TRHDE: variants seen among roughly 807,000 people sequenced by gnomAD.
The protein encoded by TRHDE is thyrotropin releasing hormone degrading enzyme.
Under a neutral mutation model 125.7 loss-of-function variants are expected in TRHDE, and 72 were observed. The observed-to-expected ratio is 0.57, with a 90% CI of 0.47 to 0.70. The LOEUF (loss-of-function observed/expected upper bound fraction) is 0.70, where lower values mean the gene tolerates loss of function less well. TRHDE is among the 30% of genes least tolerant of loss of function. The pLI is 0.00. For synonymous variants in TRHDE, 509 were observed against 509.1 expected, an observed-to-expected ratio of 1.00 and a Z score of 0.00; for missense variants, 1,110 against 1,327.1, an observed-to-expected ratio of 0.84 and a Z score of 2.54.
At chr12:72,591,429 T>G (rs1871677029) in intron 12 of TRHDE, among the ~76,000 whole-genome samples, 2 of 152,282 alleles carry the variant, frequency 1.3e-5, no homozygotes, top group South Asian at 4.1e-4. Flanking sequence ...TAAGTCCATA[T>G]GCTATTTGCT....
In TRHDE at chr12:72,143,878, C is replaced by T. The variant is rs75635823; in HGVS notation, n.279+38126C>T. ...GAAACCCAACACCATGCCCCAAATA[C>T]GTTTCAAGTGTTTTTACTAGTTTAC... On this transcript the variant is annotated intron_variant and non_coding_transcript_variant, in intron 2 of 4. Transcript: ENST00000548156. 6.8e-4 allele frequency among the ~76,000 whole-genome samples: 104 copies of T among 152,294 alleles called. 1 individual carries two copies. In the East Asian group the frequency reaches 0.016, roughly 24 times the overall value.
chr12:72,305,112 T>C (rs914196433), intron 2 of TRHDE, among the ~76,000 whole-genome samples: 5 of 152,192 alleles, frequency 3.3e-5, no homozygotes, highest in African/African-American at 1.2e-4. Flanking sequence ...CAATAAAAGT[T>C]CTTAATTATG....
At chr12:72,429,704 T>G (rs1874359717) in intron 3 of TRHDE, among the ~76,000 whole-genome samples, 1 of 152,058 alleles carries the variant, frequency 6.6e-6, no homozygotes, top group African/African-American at 2.4e-5. Flanking sequence ...TTATCTGTCT[T>G]TTCAATTATA....
intron 15 of TRHDE, among the ~76,000 whole-genome samples, chr12:72,634,441 C>T (rs1873632356): frequency 1.3e-5 from 2 of 150,322 alleles, no homozygotes; most frequent in Middle Eastern, 3.4e-3. Flanking sequence ...TTTTTTTAAC[C>T]AATGCATGAG....
intron 2 of TRHDE, among the ~76,000 whole-genome samples, chr12:72,132,252 A>G (rs1372287336): frequency 6.6e-6 from 1 of 152,148 alleles, no homozygotes; most frequent in South Asian, 2.1e-4. Flanking sequence ...GGCTGTCTCT[A>G]GTAGTACTAG....
At chr12:72,510,754 C>T (rs1878549982) in intron 6 of TRHDE, among the ~76,000 whole-genome samples, 1 of 152,022 alleles carries the variant, frequency 6.6e-6, no homozygotes, top group African/African-American at 2.4e-5. Flanking sequence ...TGGTTATGAT[C>T]ATCTCATAAG....
chr12:72,191,555 C>T (rs1301494146), intron 2 of TRHDE, among the ~76,000 whole-genome samples: 6 of 152,152 alleles, frequency 3.9e-5, no homozygotes, highest in Admixed American at 3.9e-4. Flanking sequence ...CAACTGTTTA[C>T]ATACGAGTAA....
intron 3 of TRHDE, among the ~76,000 whole-genome samples, chr12:72,469,352 A>G (rs1876534914): frequency 6.6e-6 from 1 of 152,240 alleles, no homozygotes; most frequent in Non-Finnish European, 1.5e-5. Flanking sequence ...TTTCTCTTAT[A>G]CAATATTGGG....
chr12:72,118,023 A>T (rs536886554), intron 2 of TRHDE, among the ~76,000 whole-genome samples: 2 of 151,786 alleles, frequency 1.3e-5, no homozygotes, highest in African/African-American at 4.8e-5. Context: ...GTAAACGAGG[A>T]TAATTGACTT....
At chr12:72,409,741 G>A (rs1873415413) in intron 3 of TRHDE, among the ~76,000 whole-genome samples, 1 of 152,118 alleles carries the variant, frequency 6.6e-6, no homozygotes, top group Non-Finnish European at 1.5e-5. Flanking sequence ...TCCCAGAGGG[G>A]AAGTCTGGAA....
chr12:72,110,621 T>A (rs1333412468), intron 2 of TRHDE, among the ~76,000 whole-genome samples: 1 of 152,078 alleles, frequency 6.6e-6, no homozygotes. Flanking sequence ...TTATCGAATA[T>A]CTTAGATTAA....
chr12:72,515,923 C>G (rs542636697), intron 6 of TRHDE, among the ~76,000 whole-genome samples: 4 of 136,140 alleles, frequency 2.9e-5, no homozygotes, highest in Admixed American at 1.4e-4. Context: ...GCTTGTTTTT[C>G]TCAGGTTTGT....
rs78795912 is a variant in TRHDE at position 72,469,757 on chromosome 12, G to T, written c.1316-1G>T. ...TTGGAACTGTTTTATTTTATTTCTA[G>T]ATCTTTTAGCTGTGCCTAAGCATCC... On this transcript the variant is annotated splice_acceptor_variant, in intron 3 of 18. Coordinates refer to ENST00000261180, the MANE Select transcript of TRHDE (RefSeq NM_013381.3). LOFTEE classifies it high-confidence loss of function. 6.2e-7 allele frequency: 1 copy of T among 1,613,262 alleles called. No homozygotes were observed. The highest frequency in any genetic ancestry group is 8.5e-7 in the Non-Finnish European group (1 of 1,179,782).
At chr12:72,519,155 T>C (rs1467776860) in intron 6 of TRHDE, among the ~76,000 whole-genome samples, 1 of 152,108 alleles carries the variant, frequency 6.6e-6, no homozygotes, top group Non-Finnish European at 1.5e-5. Flanking sequence ...AGTATCTTTG[T>C]GGCGTTCTCT....
At chr12:72,439,353 G>T (rs915714557) in intron 3 of TRHDE, among the ~76,000 whole-genome samples, 1 of 151,784 alleles carries the variant, frequency 6.6e-6, no homozygotes, top group East Asian at 1.9e-4. Flanking sequence ...TGGTTATTTT[G>T]ATAGCAATTG....
At chr12:72,345,459 AAAT>A (rs1488756953) in intron 2 of TRHDE, among the ~76,000 whole-genome samples, 1 of 152,156 alleles carries the variant, frequency 6.6e-6, no homozygotes, top group Non-Finnish European at 1.5e-5. Context: ...ACAAGTACAT[AAAT>A]AATAGTAAAA....
intron 3 of TRHDE, among the ~76,000 whole-genome samples, chr12:72,435,201 G>T (rs1443272925): frequency 6.6e-6 from 1 of 152,160 alleles, no homozygotes; most frequent in African/African-American, 2.4e-5. Flanking sequence ...GAATTAAAAA[G>T]AAATTCTGCA....
At chr12:72,114,473 G>A (rs908539507) in intron 2 of TRHDE, among the ~76,000 whole-genome samples, 3 of 152,062 alleles carry the variant, frequency 2.0e-5, no homozygotes, top group Non-Finnish European at 4.4e-5. Context: ...TGTTATTAGG[G>A]AAAATCATAA....
chr12:72,368,902 A>C (rs1239204609), intron 2 of TRHDE, among the ~76,000 whole-genome samples: 1 of 152,116 alleles, frequency 6.6e-6, no homozygotes, highest in Non-Finnish European at 1.5e-5. Flanking sequence ...CCTTGTGTAC[A>C]CAGCTGGCAT....
Sources: gnomAD v4.1 joint callset for allele counts (sites outside exome capture counted in the v4.1 genomes callset) on GRCh38, gnomAD v4.1.1 for gene constraint, MANE v1.5 for transcripts, NCBI Gene and HGNC (gene_info 2026-07-23, HGNC 2026-07-21) for gene names.